PALLD: variants seen among roughly 807,000 people sequenced by gnomAD.
PALLD encodes the protein palladin, cytoskeletal associated protein.
A neutral mutation model predicts 123.5 loss-of-function variants in PALLD; 61 were observed. That is an observed-to-expected ratio of 0.49 (90% CI 0.40 to 0.61). PALLD has a LOEUF of 0.61. Among genes scored for constraint, PALLD ranks in the 20% least tolerant of loss-of-function variants. PALLD has a pLI of 0.00. For missense variants in PALLD, 1,273 were observed against 1,377.0 expected, an observed-to-expected ratio of 0.92 and a Z score of 1.20; for synonymous variants, 465 against 496.4, an observed-to-expected ratio of 0.94 and a Z score of 0.84.
chr4:168,520,266 C>T (rs959069808), intron 2 of PALLD, among the ~76,000 whole-genome samples: 3 of 140,786 alleles, frequency 2.1e-5, no homozygotes, highest in Non-Finnish European at 3.0e-5. Context: ...GCGGAGCTTA[C>T]AGTGAGCCAA....
chr4:168,536,627 C>G (rs545083114), intron 2 of PALLD: 3 of 152,230 alleles, frequency 2.0e-5, no homozygotes, highest in African/African-American at 7.2e-5. Flanking sequence ...TCAAGCAAAG[C>G]GAGGAAGAGC....
chr4:168,771,863 G>A (rs557307645), intron 10 of PALLD, among the ~76,000 whole-genome samples: 50 of 152,286 alleles, frequency 3.3e-4, no homozygotes, highest in African/African-American at 1.2e-3. Flanking sequence ...GGGCAGCAGC[G>A]GCATGTCGTT....
At chr4:168,918,341 C>T (rs62333017) in intron 17 of PALLD, among the ~76,000 whole-genome samples, 2 of 76,858 alleles carry the variant, frequency 2.6e-5, no homozygotes, top group Non-Finnish European at 6.8e-5. Context: ...TATATATATA[C>T]ATACATACAC....
At chr4:168,865,792 G>C (rs1435413961) in intron 10 of PALLD, among the ~76,000 whole-genome samples, 1 of 151,982 alleles carries the variant, frequency 6.6e-6, no homozygotes, top group East Asian at 1.9e-4. Context: ...TATTAGCATG[G>C]GCACATTTTA....
chr4:168,756,325 A>G, intron 10 of PALLD: 1 of 233,106 alleles, frequency 4.3e-6, no homozygotes, highest in Non-Finnish European at 9.0e-6. Flanking sequence ...CCAGGATATC[A>G]GAACATTTTG....
intron 2 of PALLD, among the ~76,000 whole-genome samples, chr4:168,658,976 G>T (rs921028118): frequency 6.6e-6 from 1 of 152,334 alleles, no homozygotes; most frequent in South Asian, 2.1e-4. Context: ...TTTAGACAAC[G>T]ATTAATTTCA....
At chr4:168,750,651 AGATTTTT>A (rs1730938319) in intron 10 of PALLD, among the ~76,000 whole-genome samples, 1 of 152,224 alleles carries the variant, frequency 6.6e-6, no homozygotes, top group South Asian at 2.1e-4. Context: ...AATCAAAGAT[AGATTTTT>A]CTTCCAACTG....
chr4:168,838,315 C>G (rs3966105), intron 10 of PALLD, among the ~76,000 whole-genome samples: 1 of 152,164 alleles, frequency 6.6e-6, no homozygotes, highest in Non-Finnish European at 1.5e-5. Flanking sequence ...AGAGCTGATT[C>G]TCCTGTAGCC....
Position 168,761,645 on chromosome 4 carries a change from G to GTTTTTTTTTTTTTTTTTTTT in PALLD, c.1964+49734_1964+49753dup, listed in dbSNP as rs70961555. 1.1e-3 allele frequency among the ~76,000 whole-genome samples: 93 copies of GTTTTTTTTTTTTTTTTTTTT among 87,950 alleles called. 9 individuals are homozygous for GTTTTTTTTTTTTTTTTTTTT. Among genetic ancestry groups the GTTTTTTTTTTTTTTTTTTTT allele is most frequent in the East Asian group, 1.2e-3 (3 of 2,452 alleles). The allele number at this position is 87,950 out of a possible 152,430, so 57.7% of individuals were successfully genotyped here. ...CCAGCTATTTTTGTTGTTGTTGTTTGTTTTTTTTTTTTTTTTTTTTTTTTT... is the reference window on the plus strand; with the variant it reads ...CCAGCTATTTTTGTTGTTGTTGTTTGTTTTTTTTTTTTTTTTTTTTTTTTTTTTTTTTTTTTTTTTTTTTT... On this transcript the variant is annotated intron_variant, in intron 10 of 21. Transcript: ENST00000505667.
chr4:168,661,182 C>T (rs1779102992), intron 2 of PALLD, among the ~76,000 whole-genome samples: 1 of 152,186 alleles, frequency 6.6e-6, no homozygotes, highest in South Asian at 2.1e-4. Context: ...GCTGGGATTA[C>T]AGGCTTGAGC....
At chr4:168,850,523 CTTTTTTTTT>C (rs767777801) in intron 10 of PALLD, among the ~76,000 whole-genome samples, 6 of 34,692 alleles carry the variant, frequency 1.7e-4, no homozygotes, top group African/African-American at 4.0e-4. Context: ...TCTGTCATTT[CTTTTTTTTT>C]TTTTTTTTTT....
chr4:168,686,116 A>G (rs1471029519), intron 6 of PALLD, among the ~76,000 whole-genome samples: 1 of 152,174 alleles, frequency 6.6e-6, no homozygotes, highest in East Asian at 1.9e-4. Context: ...CTTGCAGACT[A>G]ATAGACCGTA....
intron 10 of PALLD, among the ~76,000 whole-genome samples, chr4:168,868,700 G>T (rs1350289329): frequency 6.6e-6 from 1 of 152,188 alleles, no homozygotes; most frequent in Non-Finnish European, 1.5e-5. Context: ...GAAACACTCT[G>T]TCCGGTCTTT....
intron 2 of PALLD, among the ~76,000 whole-genome samples, chr4:168,602,219 T>C (rs539702152): frequency 7.0e-4 from 107 of 152,346 alleles, no homozygotes; most frequent in Non-Finnish European, 9.7e-4. Flanking sequence ...GAGAGTTATG[T>C]ACTCGCCAGG....
At chr4:168,633,563 G>T (rs2149836822) in intron 2 of PALLD, among the ~76,000 whole-genome samples, 1 of 152,234 alleles carries the variant, frequency 6.6e-6, no homozygotes, top group South Asian at 2.1e-4. Flanking sequence ...TTGTTTATTT[G>T]TTGTATGGTT....
At chr4:168,625,547 T>C (rs1454815739) in intron 2 of PALLD, among the ~76,000 whole-genome samples, 1 of 55,978 alleles carries the variant, frequency 1.8e-5, no homozygotes, top group African/African-American at 4.2e-5. Context: ...TCAGGATATA[T>C]ATATATATCT....
At chr4:168,705,699 C>T (rs1043867456) in intron 8 of PALLD, among the ~76,000 whole-genome samples, 9 of 152,082 alleles carry the variant, frequency 5.9e-5, no homozygotes, top group African/African-American at 1.2e-4. Context: ...TGCAGTGGCC[C>T]GATCTTGGCT....
intron 15 of PALLD, among the ~76,000 whole-genome samples, chr4:168,908,339 A>G (rs552741267): frequency 2.0e-5 from 3 of 152,332 alleles, no homozygotes; most frequent in Non-Finnish European, 2.9e-5. Flanking sequence ...AACTCTTGGC[A>G]TAAGTTACCA....
chr4:168,837,646 A>G (rs1397021072), intron 10 of PALLD, among the ~76,000 whole-genome samples: 1 of 152,226 alleles, frequency 6.6e-6, no homozygotes, highest in Non-Finnish European at 1.5e-5. Flanking sequence ...CCACGTAGTG[A>G]GTACTATCAG....
Sources: allele counts gnomAD v4.1 joint callset (sites outside exome capture counted in the v4.1 genomes callset), GRCh38; gene constraint gnomAD v4.1.1; transcripts MANE v1.5; gene names NCBI Gene and HGNC (gene_info 2026-07-23, HGNC 2026-07-21).